FBXL17: variants seen among roughly 807,000 people sequenced by gnomAD.
The protein encoded by FBXL17 is F-box and leucine rich repeat protein 17.
FBXL17 carries 22 observed loss-of-function variants against 66.2 expected under a neutral mutation model. The observed-to-expected ratio is 0.33, with a 90% CI of 0.24 to 0.47. FBXL17 has a LOEUF of 0.47. Among genes scored for constraint, FBXL17 ranks in the 20% least tolerant of loss-of-function variants. The pLI, the probability that FBXL17 is intolerant of heterozygous loss-of-function variation, is 1.00. For missense variants in FBXL17, 878 were observed against 948.2 expected (o/e 0.93, Z 0.97); for synonymous variants, 474 against 400.5 (o/e 1.18, Z -2.19).
chr5:108,327,310 T>C (rs954881888), intron 4 of FBXL17, among the ~76,000 whole-genome samples: 2 of 152,122 alleles, frequency 1.3e-5, no homozygotes, highest in African/African-American at 4.8e-5. Flanking sequence ...GACAATGAAT[T>C]AACTCAACCC....
intron 6 of FBXL17, among the ~76,000 whole-genome samples, chr5:108,126,240 A>G (rs1580477719): frequency 6.6e-6 from 1 of 152,252 alleles, no homozygotes; most frequent in African/African-American, 2.4e-5. Flanking sequence ...AAAATTGGGC[A>G]CTAGGCTAGA....
chr5:107,982,458 AC>A (rs1180888516), intron 7 of FBXL17, among the ~76,000 whole-genome samples: 5 of 151,970 alleles, frequency 3.3e-5, no homozygotes, highest in African/African-American at 4.8e-5. Flanking sequence ...TAAAAAAAAA[AC>A]AAAAAAAACC....
intron 6 of FBXL17, among the ~76,000 whole-genome samples, chr5:108,063,257 A>G (rs899838088): frequency 1.3e-5 from 2 of 152,180 alleles, no homozygotes; most frequent in East Asian, 1.9e-4. Context: ...ACTGTTCCCA[A>G]TGGTGAGAAA....
intron 6 of FBXL17, among the ~76,000 whole-genome samples, chr5:108,112,107 GT>G (rs1210961282): frequency 3.9e-5 from 6 of 152,184 alleles, no homozygotes; most frequent in African/African-American, 1.4e-4. Context: ...GGACACCAAG[GT>G]GACCAGAATA....
At chr5:108,267,326 TAGAAATCCA>T (rs1757084117) in intron 4 of FBXL17, among the ~76,000 whole-genome samples, 1 of 152,070 alleles carries the variant, frequency 6.6e-6, no homozygotes, top group African/African-American at 2.4e-5. Flanking sequence ...ACTACTGAAC[TAGAAATCCA>T]AGAACTACAA....
At chr5:108,111,232 GAAAGA>G (rs1007832545) in intron 6 of FBXL17, among the ~76,000 whole-genome samples, 7 of 147,752 alleles carry the variant, frequency 4.7e-5, no homozygotes, top group South Asian at 2.1e-4. Context: ...AAAAAAAAAA[GAAAGA>G]AAAGAAAAGA....
At chr5:108,141,733 C>T (rs1751358907) in intron 6 of FBXL17, among the ~76,000 whole-genome samples, 1 of 152,220 alleles carries the variant, frequency 6.6e-6, no homozygotes, top group Non-Finnish European at 1.5e-5. Flanking sequence ...TTGCTTCAGT[C>T]ACTTTCTAAC....
At chr5:108,367,191 A>G (rs1748721044) in intron 2 of FBXL17, among the ~76,000 whole-genome samples, 1 of 152,164 alleles carries the variant, frequency 6.6e-6, no homozygotes, top group African/African-American at 2.4e-5. Context: ...AATACCATCA[A>G]GTTTTAAAAA....
chr5:108,135,460 G>A (rs1328480987), intron 6 of FBXL17, among the ~76,000 whole-genome samples: 1 of 152,034 alleles, frequency 6.6e-6, no homozygotes, highest in Admixed American at 6.6e-5. Context: ...TAATATCCTT[G>A]GGAATGAAAC....
chr5:107,957,765 A>G (rs964757593), intron 7 of FBXL17, among the ~76,000 whole-genome samples: 5 of 152,230 alleles, frequency 3.3e-5, no homozygotes, highest in Admixed American at 2.0e-4. Context: ...TGCCTAGGCC[A>G]TAATTTGTAC....
chr5:108,154,559 C>A (rs190464053), intron 6 of FBXL17, among the ~76,000 whole-genome samples: 3,139 of 138,362 alleles, frequency 0.023, 295 homozygotes, highest in East Asian at 0.16. Context: ...CATTGCACTC[C>A]AGCCTGGGCA....
intron 6 of FBXL17, among the ~76,000 whole-genome samples, chr5:108,184,497 T>C (rs188341572): frequency 5.9e-5 from 9 of 151,872 alleles, no homozygotes; most frequent in Non-Finnish European, 1.3e-4. Context: ...TTAGTAGAGA[T>C]GGGGTTTCAC....
chr5:108,244,452 T>C (rs1756001868), intron 4 of FBXL17, among the ~76,000 whole-genome samples: 2 of 152,170 alleles, frequency 1.3e-5, no homozygotes, highest in Admixed American at 1.3e-4. Flanking sequence ...GAAAATGAGA[T>C]ACCAACCTAA....
intron 5 of FBXL17, among the ~76,000 whole-genome samples, chr5:108,223,178 A>G (rs1320444957): frequency 6.6e-6 from 1 of 152,158 alleles, no homozygotes; most frequent in Non-Finnish European, 1.5e-5. Flanking sequence ...CCATAGTCCT[A>G]GGTAACTCAT....
chr5:107,939,730 A>G (rs1751033499), intron 7 of FBXL17, among the ~76,000 whole-genome samples: 1 of 152,104 alleles, frequency 6.6e-6, no homozygotes, highest in Admixed American at 6.6e-5. Context: ...CTCTCTTGCT[A>G]TAGCATATCC....
intron 4 of FBXL17, among the ~76,000 whole-genome samples, chr5:108,235,020 T>C (rs1051265873): frequency 6.6e-6 from 1 of 152,206 alleles, no homozygotes; most frequent in African/African-American, 2.4e-5. Context: ...ATAAGATTGA[T>C]TCAATGAAAT....
intron 4 of FBXL17, among the ~76,000 whole-genome samples, chr5:108,232,794 T>TATATATATATATATATA (rs1294290778): frequency 1.6e-5 from 2 of 124,846 alleles, no homozygotes; most frequent in African/African-American, 6.4e-5. Flanking sequence ...TATATATATA[T>TATATATATATATATATA]ATATATATAT....
chr5:108,011,085 T>A (rs288185), intron 7 of FBXL17, among the ~76,000 whole-genome samples: 2 of 152,140 alleles, frequency 1.3e-5, no homozygotes, highest in South Asian at 4.1e-4. Flanking sequence ...ATTATTTTAA[T>A]GTTAAATTTA....
At chr5:107,995,077 A>G (rs1343868671) in intron 7 of FBXL17, among the ~76,000 whole-genome samples, 1 of 152,154 alleles carries the variant, frequency 6.6e-6, no homozygotes, top group East Asian at 1.9e-4. Context: ...GTTTGTGAAG[A>G]TTCACTGAAC....
Sources: allele counts gnomAD v4.1 joint callset (sites outside exome capture counted in the v4.1 genomes callset), GRCh38; gene constraint gnomAD v4.1.1; transcripts MANE v1.5; gene names NCBI Gene and HGNC (gene_info 2026-07-23, HGNC 2026-07-21).